TMEM87A: variants seen among roughly 807,000 people sequenced by gnomAD.
The protein encoded by TMEM87A is Golgi-pH regulating cation channel.
Under a neutral mutation model 90.0 loss-of-function variants are expected in TMEM87A, and 50 were observed. That is an observed-to-expected ratio of 0.56 (90% CI 0.44 to 0.70). The LOEUF (loss-of-function observed/expected upper bound fraction) is 0.70, where lower values mean the gene tolerates loss of function less well. Among genes scored for constraint, TMEM87A ranks in the 30% least tolerant of loss-of-function variants. The pLI is 0.00. For missense variants in TMEM87A, 577 were observed against 660.5 expected, an observed-to-expected ratio of 0.87 and a Z score of 1.39; for synonymous variants, 226 against 226.7, an observed-to-expected ratio of 1.00 and a Z score of 0.03.
At chr15:42,257,848 GA>G (rs2051212324) in intron 6 of TMEM87A, 1 of 945,252 alleles carries the variant, frequency 1.1e-6, no homozygotes, top group Admixed American at 6.2e-5. Context: ...GTAATAAAAA[GA>G]AAAAATTATA....
rs10681614 is a variant in TMEM87A, at chr15:42,264,699, A to ATATATATATATATTT, written c.292-497_292-496insAAATATATATATATA. Among the ~76,000 whole-genome samples the ATATATATATATATTT allele has an allele frequency of 8.9e-3, 975 of 109,324 alleles. 15 individuals are homozygous for ATATATATATATATTT. Among genetic ancestry groups the ATATATATATATATTT allele is most frequent in the African/African-American group, 0.028 (916 of 32,410 alleles). 71.7% of individuals were successfully genotyped at this position (109,324 alleles called of 152,430 possible). ...TATGTGTGTGTATATATATATATAT[A>ATATATATATATATTT]TTTTTTTTTTAACTTTTATTTTAGG... is the stretch of plus-strand genomic sequence containing the variant. On this transcript the variant is annotated intron_variant, in intron 3 of 19. Transcript: ENST00000389834.
chr15:42,238,430 C>T (rs2050814043), intron 8 of TMEM87A, among the ~76,000 whole-genome samples: 1 of 152,054 alleles, frequency 6.6e-6, no homozygotes, highest in African/African-American at 2.4e-5. Flanking sequence ...ATTAGCCAGG[C>T]ATGGTGGTGC....
chr15:42,258,527 C>A, intron 6 of TMEM87A: 2 of 346,846 alleles, frequency 5.8e-6, no homozygotes, highest in Admixed American at 6.2e-5. Context: ...CCCAAGTTCA[C>A]GCGATTCTCC....
At chr15:42,231,116 T>C in intron 12 of TMEM87A, 76 bp downstream of exon 12, 1 of 1,372,720 alleles carries the variant, frequency 7.3e-7, no homozygotes, top group Non-Finnish European at 1.0e-6. Flanking sequence ...TAAAAACTCT[T>C]TGCAGAAAGA....
intron 17 of TMEM87A, 106 bp from the exon 18 acceptor site, chr15:42,218,484 C>T (rs2050418589): frequency 1.9e-6 from 2 of 1,049,258 alleles, no homozygotes; most frequent in Admixed American, 2.3e-5. Context: ...TGTAGTCATA[C>T]ATTCACAAAT....
At chr15:42,217,277 T>C (rs758735343) in intron 19 of TMEM87A, among the ~76,000 whole-genome samples, 58 of 152,140 alleles carry the variant, frequency 3.8e-4, no homozygotes, top group Non-Finnish European at 7.4e-4. Flanking sequence ...TAAGACTTCA[T>C]GTGAAGCCTT....
intron 15 of TMEM87A, among the ~76,000 whole-genome samples, chr15:42,223,871 G>T (rs2050541465): frequency 6.6e-6 from 1 of 152,054 alleles, no homozygotes; most frequent in Non-Finnish European, 1.5e-5. Context: ...AAGGGAAGAA[G>T]AAAAAACCTC....
At chr15:42,238,574 T>TA (rs2050816721) in intron 8 of TMEM87A, among the ~76,000 whole-genome samples, 1 of 151,180 alleles carries the variant, frequency 6.6e-6, no homozygotes. Context: ...CGTTTCAAGA[T>TA]AAAAAATAAT....
chr15:42,260,010 T>TAAGA lies in TMEM87A; in HGVS notation c.504+947_504+948insTCTT, dbSNP rs143884771. Reference sequence around the variant, plus strand: ...CTTTTGGGGATGAACAATTCTGGAATTAGCGATTGGTGCTTGCACAACTTG... The same window carrying TAAGA: ...CTTTTGGGGATGAACAATTCTGGAATAAGATAGCGATTGGTGCTTGCACAACTTG... On this transcript the variant is annotated intron_variant, in intron 6 of 19. Coordinates refer to ENST00000389834, the MANE Select transcript of TMEM87A (RefSeq NM_015497.5). Among the ~76,000 whole-genome samples the TAAGA allele has an allele frequency of 2.5e-3, 26 of 10,224 alleles. No individual in the cohort carries two copies. In the Non-Finnish European group the frequency reaches 0.067, roughly 26 times the overall value. The allele number at this position is 10,224 out of a possible 152,430, so 6.7% of individuals were successfully genotyped here.
intron 3 of TMEM87A, 59 bp from the exon 4 acceptor site, chr15:42,264,262 A>G: frequency 8.5e-7 from 1 of 1,173,248 alleles, no homozygotes; most frequent in East Asian, 2.3e-5. Context: ...AGATACTAAG[A>G]GCACAGCACA....
intron 14 of TMEM87A, 33 bp downstream of exon 14, chr15:42,227,678 A>T: frequency 6.3e-7 from 1 of 1,587,140 alleles, no homozygotes; most frequent in Non-Finnish European, 8.7e-7. Flanking sequence ...TTTATAAGAC[A>T]GTACATTATT....
intron 19 of TMEM87A, among the ~76,000 whole-genome samples, chr15:42,214,216 G>T (rs755117176): frequency 2.6e-5 from 4 of 152,062 alleles, no homozygotes; most frequent in African/African-American, 7.2e-5. Flanking sequence ...GGACCAGATG[G>T]CTTCTTTAGT....
intron 15 of TMEM87A, among the ~76,000 whole-genome samples, chr15:42,225,726 T>G (rs1595712809): frequency 6.6e-6 from 1 of 152,134 alleles, no homozygotes; most frequent in East Asian, 1.9e-4. Flanking sequence ...GAGGTGGGGT[T>G]TTGCCATGTT....
At chr15:42,259,959 C>A (rs1440251428) in intron 6 of TMEM87A, among the ~76,000 whole-genome samples, 2 of 152,076 alleles carry the variant, frequency 1.3e-5, no homozygotes, top group African/African-American at 2.4e-5. Flanking sequence ...AGGAGAAATG[C>A]GGAGTGACTG....
chr15:42,267,700 T>C (rs1056671567), intron 3 of TMEM87A, among the ~76,000 whole-genome samples: 4 of 152,142 alleles, frequency 2.6e-5, no homozygotes, highest in African/African-American at 7.2e-5. Context: ...ATTTTCTCAG[T>C]TGTAATTTCT....
chr15:42,264,473 G>T (rs959094924), intron 3 of TMEM87A, among the ~76,000 whole-genome samples: 19 of 151,964 alleles, frequency 1.3e-4, no homozygotes, highest in African/African-American at 4.6e-4. Flanking sequence ...AGAGTGTAGA[G>T]GGTTTTGTCA....
At chr15:42,244,029 T>TTA in intron 7 of TMEM87A, 21 bp downstream of exon 7, 6 of 1,252,162 alleles carry the variant, frequency 4.8e-6, no homozygotes, top group Non-Finnish European at 6.5e-6. Context: ...ACATAACCAT[T>TTA]AAAAAAAAAA....
chr15:42,239,444 A>G (rs2050832756), intron 8 of TMEM87A, among the ~76,000 whole-genome samples: 2 of 152,170 alleles, frequency 1.3e-5, no homozygotes. Context: ...AGGTATTTCC[A>G]CAGGTCACTG....
intron 11 of TMEM87A, among the ~76,000 whole-genome samples, chr15:42,232,583 C>T (rs976197494): frequency 7.9e-5 from 12 of 152,100 alleles, no homozygotes; most frequent in African/African-American, 2.4e-5. Flanking sequence ...ACACCATTCT[C>T]CTGCCTCAGT....
Sources: allele counts gnomAD v4.1 joint callset (sites outside exome capture counted in the v4.1 genomes callset), GRCh38; gene constraint gnomAD v4.1.1; transcripts MANE v1.5; gene names NCBI Gene and HGNC (gene_info 2026-07-23, HGNC 2026-07-21).